Variants in GTF2A1 observed in about 807,000 individuals in gnomAD.
The protein encoded by GTF2A1 is transcription initiation factor IIA subunit 1.
Under a neutral mutation model 54.1 loss-of-function variants are expected in GTF2A1, and 12 were observed. The ratio of observed to expected loss-of-function variants is 0.22; its 90% CI spans 0.14 to 0.36. The LOEUF (loss-of-function observed/expected upper bound fraction) is 0.36, where lower values mean the gene tolerates loss of function less well. Among genes scored for constraint, GTF2A1 ranks in the 10% least tolerant of loss-of-function variants. GTF2A1 has a pLI of 1.00. For synonymous variants in GTF2A1, 145 were observed against 152.0 expected, an observed-to-expected ratio of 0.95 and a Z score of 0.34; for missense variants, 335 against 442.2, an observed-to-expected ratio of 0.76 and a Z score of 2.17.
chr14:81,200,226 G>C (rs555035586), intron 4 of GTF2A1, among the ~76,000 whole-genome samples: 35 of 152,084 alleles, frequency 2.3e-4, no homozygotes, highest in Non-Finnish European at 2.9e-5. Context: ...TCTGTCTAGT[G>C]GGTAAGCCCT....
intron 2 of GTF2A1, among the ~76,000 whole-genome samples, chr14:81,206,152 G>A (rs186416368): frequency 1.3e-5 from 2 of 152,072 alleles, no homozygotes; most frequent in Non-Finnish European, 2.9e-5. Flanking sequence ...TCACTTCTAC[G>A]AAGCTCCTAT....
intron 5 of GTF2A1, 72 bp downstream of exon 5, chr14:81,197,337 G>T: frequency 1.3e-6 from 1 of 748,668 alleles, no homozygotes; most frequent in Non-Finnish European, 2.2e-6. Context: ...TTTCAAAGAA[G>T]ACAAAACCTA....
chr14:81,199,625 A>G (rs1179600377), intron 4 of GTF2A1, among the ~76,000 whole-genome samples: 1 of 152,260 alleles, frequency 6.6e-6, no homozygotes, highest in Non-Finnish European at 1.5e-5. Flanking sequence ...CATGAAGGAA[A>G]CACTGACTAA....
rs763156130 is a variant in GTF2A1 at position 81,192,648 on chromosome 14, T to C, written c.804A>G (p.Pro268=). ...CAGTTCCATCAACTTGTAAGACCAA[T>C]GGAGCTTGTGTTTGAGCAGGCTGGG... ...PQAQPAQTQA[P]LVLQVDGTGD... Residue 268 remains proline, a synonymous_variant, in exon 7 of 9, where the codon CCA becomes CCG. Transcript: ENST00000553612. The C allele has an allele frequency of 6.2e-7, 1 of 1,614,062 alleles. No individual in the cohort carries two copies. The highest frequency in any genetic ancestry group is 8.5e-7 in the Non-Finnish European group (1 of 1,179,872).
intron 6 of GTF2A1, among the ~76,000 whole-genome samples, chr14:81,194,595 A>T (rs1384817422): frequency 6.6e-6 from 1 of 152,254 alleles, no homozygotes. Context: ...ACATAAACAT[A>T]TAAAGTACAT....
intron 7 of GTF2A1, among the ~76,000 whole-genome samples, chr14:81,192,240 T>TA (rs1236294222): frequency 3.3e-5 from 5 of 152,206 alleles, no homozygotes; most frequent in Admixed American, 6.5e-5. Context: ...AAGCCAGAGT[T>TA]AGAATTACCT....
rs2140143184 is a variant in GTF2A1, at chr14:81,179,269, A to G, written c.*954T>C. On this transcript the variant is annotated 3_prime_UTR_variant, in exon 9 of 9. Coordinates refer to ENST00000553612, the MANE Select transcript of GTF2A1 (RefSeq NM_015859.4). ...CTCACCACCTGCCCTATGCTAATCA[A>G]TGCACAGACTGTTAACTGAATGTTT... 1 of 152,378 alleles carries G rather than the reference A, an allele frequency of 6.6e-6. No individual in the cohort carries two copies. Among genetic ancestry groups the G allele is most frequent in the East Asian group, 1.9e-4 (1 of 5,194 alleles). 9.4% of individuals were successfully genotyped at this position (152,378 alleles called of 1,614,324 possible).
rs1314742375 is a variant in GTF2A1, at chr14:81,179,428, G to C, written c.*795C>G. ...AACTATATTCCTGAGGAGCTAGTTTGGGGTTTCTTTTTAAGGTGTGGCACT... is the reference window on the plus strand; with the variant it reads ...AACTATATTCCTGAGGAGCTAGTTTCGGGTTTCTTTTTAAGGTGTGGCACT... On this transcript the variant is annotated 3_prime_UTR_variant, in exon 9 of 9. Transcript: ENST00000553612. The C allele has an allele frequency of 6.6e-6, 1 of 152,148 alleles. No individual in the cohort carries two copies. The highest frequency in any genetic ancestry group is 1.5e-5 in the Non-Finnish European group (1 of 68,030). 9.4% of individuals were successfully genotyped at this position (152,148 alleles called of 1,614,324 possible).
At chr14:81,205,111 T>C (rs1446683285) in intron 2 of GTF2A1, among the ~76,000 whole-genome samples, 2 of 152,002 alleles carry the variant, frequency 1.3e-5, no homozygotes, top group African/African-American at 2.4e-5. Context: ...AGAGTTTCTT[T>C]ATTTTTTTAT....
intron 2 of GTF2A1, among the ~76,000 whole-genome samples, chr14:81,208,138 C>A (rs1387413970): frequency 6.6e-6 from 1 of 152,116 alleles, no homozygotes; most frequent in Non-Finnish European, 1.5e-5. Flanking sequence ...CACTGCAGCC[C>A]CTCCCATCAG....
At chr14:81,213,379 C>T (rs1015418955) in intron 2 of GTF2A1, among the ~76,000 whole-genome samples, 2 of 152,062 alleles carry the variant, frequency 1.3e-5, no homozygotes, top group Admixed American at 1.3e-4. Flanking sequence ...CTACTATTAA[C>T]GATAGGGAAA....
At chr14:81,194,835 A>G (rs897554477) in intron 6 of GTF2A1, among the ~76,000 whole-genome samples, 2 of 152,240 alleles carry the variant, frequency 1.3e-5, no homozygotes, top group South Asian at 2.1e-4. Flanking sequence ...AAAGCTGTTA[A>G]AAGTTTTAGG....
chr14:81,205,954 C>T (rs962520641), intron 2 of GTF2A1, among the ~76,000 whole-genome samples: 1 of 152,150 alleles, frequency 6.6e-6, no homozygotes, highest in Non-Finnish European at 1.5e-5. Flanking sequence ...TCTGTTATCA[C>T]CCAAACCTTC....
chr14:81,206,344 C>T (rs1893230226), intron 2 of GTF2A1, among the ~76,000 whole-genome samples: 1 of 152,128 alleles, frequency 6.6e-6, no homozygotes. Flanking sequence ...CCTTTCTGCC[C>T]AGCAGTACTG....
At chr14:81,189,392 C>T (rs1892821754) in intron 7 of GTF2A1, among the ~76,000 whole-genome samples, 1 of 152,122 alleles carries the variant, frequency 6.6e-6, no homozygotes, top group Non-Finnish European at 1.5e-5. Flanking sequence ...GATCAAGTGG[C>T]CAGGCGCGGT....
intron 2 of GTF2A1, chr14:81,210,062 G>A: frequency 3.8e-6 from 1 of 263,178 alleles, no homozygotes; most frequent in Middle Eastern, 6.8e-4. Context: ...GAAATATGCA[G>A]GAATTGCAAC....
rs183051305 is a variant in GTF2A1 at position 81,187,927 on chromosome 14, T to C, written c.934-2307A>G. On this transcript the variant is annotated intron_variant, in intron 7 of 8. Coordinates refer to ENST00000553612, the MANE Select transcript of GTF2A1 (RefSeq NM_015859.4). ...ACTGTTTCCCACAGCAGCTGTACCATTTTACATTTCCACCAACAATGCACA... is the reference window on the plus strand; with the variant it reads ...ACTGTTTCCCACAGCAGCTGTACCACTTTACATTTCCACCAACAATGCACA... Among the ~76,000 whole-genome samples the C allele has an allele frequency of 3.1e-3, 476 of 152,234 alleles. 1 individual carries two copies. Among genetic ancestry groups the C allele is most frequent in the African/African-American group, 0.011 (452 of 41,558 alleles).
intron 7 of GTF2A1, among the ~76,000 whole-genome samples, chr14:81,190,490 T>C (rs1415616418): frequency 6.6e-6 from 1 of 152,130 alleles, no homozygotes; most frequent in Non-Finnish European, 1.5e-5. Context: ...AGTACAAGAT[T>C]GGTTTACAAA....
chr14:81,205,108 CTTTATTTT>C lies in GTF2A1; in HGVS notation c.133-1012_133-1005del, dbSNP rs1403315459. ...CCTTTGCCATACTCACAGAGAGTTT[CTTTATTTT>C]TTTATTTTTTTTTTTAATTTAAGAA... On this transcript the variant is annotated intron_variant, in intron 2 of 8. Transcript: ENST00000553612. 2.0e-5 allele frequency among the ~76,000 whole-genome samples: 3 copies of C among 147,792 alleles called. No individual in the cohort carries two copies. In the East Asian group the frequency reaches 5.8e-4, roughly 29 times the overall value.
Sources: allele counts gnomAD v4.1 joint callset (sites outside exome capture counted in the v4.1 genomes callset), GRCh38; gene constraint gnomAD v4.1.1; transcripts MANE v1.5; gene names NCBI Gene and HGNC (gene_info 2026-07-23, HGNC 2026-07-21).